The following SPAG1 variants were observed in gnomAD, a reference collection of about 807,000 sequenced individuals.
SPAG1 encodes the protein sperm-associated antigen 1.
Under a neutral mutation model 100.5 loss-of-function variants are expected in SPAG1, and 69 were observed. The observed-to-expected ratio is 0.69, with a 90% CI of 0.57 to 0.84. The LOEUF is 0.84. Among genes scored for constraint, SPAG1 ranks in the 40% least tolerant of loss-of-function variants. The pLI is 0.00. For synonymous variants in SPAG1, 336 were observed against 411.6 expected (o/e 0.82, Z 2.22); for missense variants, 955 against 1,133.1 (o/e 0.84, Z 2.26).
At chr8:100,185,549 G>GT (rs910529436) in intron 7 of SPAG1, among the ~76,000 whole-genome samples, 1 of 152,152 alleles carries the variant, frequency 6.6e-6, no homozygotes, top group African/African-American at 2.4e-5. Flanking sequence ...TTACACCATT[G>GT]TATCCCCAAG....
At chr8:100,188,592 T>G (rs1816683138) in intron 8 of SPAG1, among the ~76,000 whole-genome samples, 1 of 152,216 alleles carries the variant, frequency 6.6e-6, no homozygotes, top group Admixed American at 6.5e-5. Context: ...CTGACCACCT[T>G]GTCATGGTTC....
chr8:100,224,688 G>A (rs960682776), intron 13 of SPAG1, among the ~76,000 whole-genome samples: 2 of 152,168 alleles, frequency 1.3e-5, no homozygotes, highest in African/African-American at 4.8e-5. Context: ...ACCAGTGTTG[G>A]CAGCCAGTCT....
At chr8:100,203,443 T>C (rs1817376022) in intron 10 of SPAG1, among the ~76,000 whole-genome samples, 2 of 152,186 alleles carry the variant, frequency 1.3e-5, no homozygotes, top group Admixed American at 1.3e-4. Context: ...AGTTCTTTCG[T>C]TGGTTTTGGG....
chr8:100,232,655 C>T (rs1818830195), intron 15 of SPAG1, among the ~76,000 whole-genome samples: 1 of 152,198 alleles, frequency 6.6e-6, no homozygotes, highest in South Asian at 2.1e-4. Context: ...GTCTGCAGCA[C>T]CCTTATGGTG....
Position 100,233,510 on chromosome 8 carries a change from A to G in SPAG1, c.2088A>G (p.Arg696=), listed in dbSNP as rs2132428414. The G allele has an allele frequency of 2.5e-6, 4 of 1,611,006 alleles. 1 individual carries two copies. The South Asian group carries it at 4.4e-5, about 18-fold the overall frequency. ...LADGNVKAFY[R]RALAHKGLKN... is the part of the protein sequence containing the mutation. ...ATGGGAACGTGAAAGCCTTCTATAG[A>G]CGAGCTCTGGCTCATAAAGGACTCA... The change falls in exon 16 of 19, where the codon AGA becomes AGG. Residue 696 remains arginine (R), a synonymous_variant. Transcript: ENST00000388798.
chr8:100,214,916 G>A (rs1004220470), intron 12 of SPAG1, among the ~76,000 whole-genome samples: 9 of 148,582 alleles, frequency 6.1e-5, no homozygotes, highest in Non-Finnish European at 1.0e-4. Context: ...GGAGGCAGAT[G>A]TTGCAGTGAG....
intron 3 of SPAG1, among the ~76,000 whole-genome samples, chr8:100,170,800 CATTTATTTATTTATTTATTT>C (rs138359646): frequency 2.6e-4 from 29 of 113,566 alleles, no homozygotes; most frequent in African/African-American, 7.0e-4. Flanking sequence ...TCCAGTCTGC[CATTTATTTATTTATTTATTT>C]ATTTATTTAT....
At chr8:100,196,945 G>A (rs2201553) in intron 10 of SPAG1, among the ~76,000 whole-genome samples, 26,095 of 151,432 alleles carry the variant, frequency 0.17, 2,497 homozygotes, top group South Asian at 0.23. Flanking sequence ...TTTTTGAGAT[G>A]GAGTCTCGCC....
At chr8:100,236,014 G>C (rs1818990152) in intron 16 of SPAG1, among the ~76,000 whole-genome samples, 1 of 152,108 alleles carries the variant, frequency 6.6e-6, no homozygotes, top group Admixed American at 6.5e-5. Flanking sequence ...CCAAACTCTT[G>C]GAGCACATTT....
At chr8:100,209,802 G>A (rs1195100468) in intron 10 of SPAG1, among the ~76,000 whole-genome samples, 1 of 151,074 alleles carries the variant, frequency 6.6e-6, no homozygotes, top group Non-Finnish European at 1.5e-5. Flanking sequence ...CATTGCTAGT[G>A]TATAGAAACA....
chr8:100,178,580 A>G (rs920481024), intron 4 of SPAG1, among the ~76,000 whole-genome samples: 3 of 152,068 alleles, frequency 2.0e-5, no homozygotes, highest in African/African-American at 7.2e-5. Flanking sequence ...AATTTCTCAG[A>G]TGACTCCCCA....
chr8:100,186,293 A>G (rs905074844), intron 7 of SPAG1, among the ~76,000 whole-genome samples: 2 of 151,590 alleles, frequency 1.3e-5, no homozygotes, highest in Admixed American at 1.3e-4. Flanking sequence ...CTGGTCTCGA[A>G]CCTCTGGCCT....
rs202227385 is a variant in SPAG1 at position 100,191,530 on chromosome 8, G to A, written c.939+34G>A. On this transcript the variant is annotated intron_variant, in intron 9 of 18. Coordinates refer to ENST00000388798, the MANE Select transcript of SPAG1 (RefSeq NM_003114.5). ...AGAATGTGATTTCTCACCTAATTCT[G>A]TAGTTGGCTGTTTCTGTATTTATTT... is the stretch of plus-strand genomic sequence containing the variant. The A allele has an allele frequency of 1.2e-5, 17 of 1,370,436 alleles. No homozygotes were observed. In the East Asian group the frequency reaches 3.7e-4, roughly 30 times the overall value. The allele number at this position is 1,370,436 out of a possible 1,614,324, so 84.9% of individuals were successfully genotyped here. A position where few individuals can be genotyped will look rare whatever the true frequency, so the allele number is the denominator to read the frequency against.
At chr8:100,165,545 G>A (rs1025840516) in intron 2 of SPAG1, 4 of 386,736 alleles carry the variant, frequency 1.0e-5, no homozygotes, top group Admixed American at 4.1e-5. Context: ...CCACGGTGCC[G>A]GGGACCACAC....
At chr8:100,225,098 T>G in intron 13 of SPAG1, 75 bp from the exon 14 acceptor site, 1 of 1,270,638 alleles carries the variant, frequency 7.9e-7, no homozygotes. Context: ...TTTGCAAATT[T>G]TATTCTTAAT....
intron 3 of SPAG1, among the ~76,000 whole-genome samples, chr8:100,167,592 A>G (rs1190517880): frequency 6.6e-6 from 1 of 152,220 alleles, no homozygotes; most frequent in Non-Finnish European, 1.5e-5. Flanking sequence ...GGACTATTGT[A>G]GTATATTTTT....
rs1187160345 is a variant in SPAG1 at position 100,187,219 on chromosome 8, G to A, written c.801G>A (p.Lys267=). The A allele has an allele frequency of 6.2e-7, 1 of 1,610,448 alleles. No homozygotes were observed. The highest frequency in any genetic ancestry group is 8.5e-7 in the Non-Finnish European group (1 of 1,178,128). Residue 267 remains lysine, a synonymous_variant, in exon 8 of 19, where the codon AAG becomes AAA. Coordinates refer to ENST00000388798, the MANE Select transcript of SPAG1 (RefSeq NM_003114.5). ...ATAGTGCTTTTCAGGATTGTGAAAA[G>A]GTCTTGGAGTTAGAACCTGGAAACG... ...NWNSAFQDCE[K]VLELEPGNVK... is the part of the protein sequence containing the mutation.
intron 16 of SPAG1, among the ~76,000 whole-genome samples, chr8:100,238,790 G>A (rs919382168): frequency 6.6e-6 from 1 of 152,044 alleles, no homozygotes; most frequent in African/African-American, 2.4e-5. Context: ...TTTATTTCTT[G>A]GTACAGCCTT....
At position 100,241,049 on chromosome 8, in the gene SPAG1, A is replaced by G; in HGVS notation, c.*27A>G. On this transcript the variant is annotated 3_prime_UTR_variant, in exon 19 of 19. Transcript: ENST00000388798. The surrounding 1 kb of genome is among the most constrained non-coding windows in gnomAD (Gnocchi z 5.1). ...TCAAGATAATTGTTAGATTTCTTCC[A>G]TGCATGTATGTGTTCCAGGAATGTT... is the stretch of plus-strand genomic sequence containing the variant. The G allele has an allele frequency of 1.2e-6, 2 of 1,605,052 alleles. No homozygotes were observed. Among genetic ancestry groups the G allele is most frequent in the Non-Finnish European group, 1.7e-6 (2 of 1,175,704 alleles).
Sources: gnomAD v4.1 joint callset for allele counts (sites outside exome capture counted in the v4.1 genomes callset) on GRCh38, gnomAD v4.1.1 for gene constraint, Gnocchi (gnomAD v3.1) non-coding constraint, MANE v1.5 for transcripts, NCBI Gene and HGNC (gene_info 2026-07-23, HGNC 2026-07-21) for gene names.